NRG2: variants seen among roughly 807,000 people sequenced by gnomAD.
The protein encoded by NRG2 is pro-neuregulin-2, membrane-bound isoform.
A neutral mutation model predicts 73.9 loss-of-function variants in NRG2; 27 were observed. The ratio of observed to expected loss-of-function variants is 0.37; its 90% CI spans 0.27 to 0.50. NRG2 has a LOEUF of 0.50. Among genes scored for constraint, NRG2 ranks in the 20% least tolerant of loss-of-function variants. The pLI is 0.96. For missense variants in NRG2, 1,126 were observed against 1,210.1 expected, an observed-to-expected ratio of 0.93 and a Z score of 1.03; for synonymous variants, 532 against 541.0, an observed-to-expected ratio of 0.98 and a Z score of 0.23.
chr5:139,883,331 C>T (rs879690715), intron 2 of NRG2, among the ~76,000 whole-genome samples: 8 of 151,424 alleles, frequency 5.3e-5, no homozygotes, highest in African/African-American at 1.9e-4. Flanking sequence ...CCCCGCCCCC[C>T]GCCCCCTGCC....
intron 1 of NRG2, among the ~76,000 whole-genome samples, chr5:139,888,937 C>T (rs1178735091): frequency 6.6e-6 from 1 of 152,120 alleles, no homozygotes; most frequent in Non-Finnish European, 1.5e-5. Context: ...TAATAGCTAA[C>T]CTTTGTTAAA....
rs1035735378 is a variant in NRG2, at chr5:139,856,805, C to A, written c.1190-1027G>T. ...CTTCATTCACGCACACACACCTGCA[C>A]ACACAACATATGCACACACACAGAG... On this transcript the variant is annotated intron_variant, in intron 5 of 9. Coordinates refer to ENST00000361474, the MANE Select transcript of NRG2 (RefSeq NM_004883.3). The surrounding 1 kb of genome is among the most constrained non-coding windows in gnomAD (Gnocchi z 4.2). 6.6e-6 allele frequency among the ~76,000 whole-genome samples: 1 copy of A among 152,218 alleles called. No homozygotes were observed. The highest frequency in any genetic ancestry group is 2.4e-5 in the African/African-American group (1 of 41,454).
At chr5:140,005,986 A>G (rs1329042444) in intron 1 of NRG2, among the ~76,000 whole-genome samples, 2 of 152,238 alleles carry the variant, frequency 1.3e-5, no homozygotes, top group East Asian at 1.9e-4. Context: ...AAAGACGTCT[A>G]GGTCAAAGGC....
At position 139,852,746 on chromosome 5, in the gene NRG2, G is replaced by A. The variant is rs1384601760; in HGVS notation, c.1416+158C>T. 6.6e-6 allele frequency among the ~76,000 whole-genome samples: 1 copy of A among 152,236 alleles called. No individual in the cohort carries two copies. Among genetic ancestry groups the A allele is most frequent in the Non-Finnish European group, 1.5e-5 (1 of 68,046 alleles). ...ACCCCCACCCCTTCCTCATGGAAGT[G>A]AGCAAACCAAGGCCAGCCATCCTGG... On this transcript the variant is annotated intron_variant, in intron 7 of 9. Transcript: ENST00000361474. This position sits in a 1 kb window ranked among gnomAD's most constrained non-coding sequence, Gnocchi z 4.4.
chr5:139,994,247 C>T (rs1011219388), intron 1 of NRG2, among the ~76,000 whole-genome samples: 2 of 152,188 alleles, frequency 1.3e-5, no homozygotes, highest in Admixed American at 6.5e-5. Context: ...TGTTGTGGCT[C>T]ATAAGAAGTT....
chr5:139,846,824 G>C lies in NRG2; in HGVS notation c.*1093C>G, dbSNP rs2126980532. 1 of 151,814 alleles carries C rather than the reference G, an allele frequency of 6.6e-6. No individual in the cohort carries two copies. The highest frequency in any genetic ancestry group is 1.5e-5 in the Non-Finnish European group (1 of 67,972). 9.4% of individuals were successfully genotyped at this position (151,814 alleles called of 1,614,324 possible). On this transcript the variant is annotated 3_prime_UTR_variant, in exon 10 of 10. Transcript: ENST00000361474. The stretch of plus-strand genomic sequence containing the variant: ...TTATTTATAATATAAAAATGTTCAA[G>C]TGTCAACAGTCAGGTGTTCAGACAT...
chr5:139,883,485 C>G (rs1194631169), intron 2 of NRG2, among the ~76,000 whole-genome samples: 1 of 152,116 alleles, frequency 6.6e-6, no homozygotes, highest in Non-Finnish European at 1.5e-5. Context: ...GCAGTGGGCA[C>G]AAAGACAGAC....
intron 1 of NRG2, among the ~76,000 whole-genome samples, chr5:140,005,015 CACCATTCTGTA>C (rs761077597): frequency 1.3e-5 from 2 of 152,148 alleles, no homozygotes; most frequent in Non-Finnish European, 2.9e-5. Flanking sequence ...ATTGATTAAA[CACCATTCTGTA>C]ACTTAACATC....
chr5:139,967,949 A>G (rs1755664077), intron 1 of NRG2, among the ~76,000 whole-genome samples: 1 of 151,218 alleles, frequency 6.6e-6, no homozygotes, highest in African/African-American at 2.4e-5. Flanking sequence ...ACAGAGCTAG[A>G]CTCTGTCCCA....
chr5:140,012,408 C>T (rs1759434185), intron 1 of NRG2, among the ~76,000 whole-genome samples: 1 of 152,176 alleles, frequency 6.6e-6, no homozygotes, highest in African/African-American at 2.4e-5. Context: ...ACAAAGTAAT[C>T]CTGTCTTAAC....
chr5:139,969,316 A>C (rs1354199221), intron 1 of NRG2, among the ~76,000 whole-genome samples: 5 of 152,248 alleles, frequency 3.3e-5, no homozygotes, highest in Non-Finnish European at 7.3e-5. Flanking sequence ...TGAAATATCT[A>C]TAGGGCTGTT....
At position 140,043,135 on chromosome 5, in the gene NRG2, C is replaced by A; in HGVS notation, c.-66G>T. On this transcript the variant is annotated 5_prime_UTR_variant, in exon 1 of 10. Coordinates refer to ENST00000361474, the MANE Select transcript of NRG2 (RefSeq NM_004883.3). This position sits in a 1 kb window ranked among gnomAD's most constrained non-coding sequence, Gnocchi z 6.7. ...CCGCCTTGGGAGGGGAAACAGAGCC[C>A]GCTGGAAAACCGGAAACAGCGTAAC... 3 of 1,534,094 alleles carry A rather than the reference C, an allele frequency of 2.0e-6. No individual in the cohort carries two copies. The highest frequency in any genetic ancestry group is 2.4e-5 in the South Asian group (2 of 84,396).
chr5:139,852,591 G>C lies in NRG2; in HGVS notation c.1417-32C>G. 6.2e-7 allele frequency: 1 copy of C among 1,606,490 alleles called. No homozygotes were observed. The highest frequency in any genetic ancestry group is 8.5e-7 in the Non-Finnish European group (1 of 1,175,926). ...CAGACAGAGTTGGGCGAGAGTTAGTGACTGGGGCCCAAATGAACTCTTTCT... is the reference window on the plus strand; with the variant it reads ...CAGACAGAGTTGGGCGAGAGTTAGTCACTGGGGCCCAAATGAACTCTTTCT... On this transcript the variant is annotated intron_variant, in intron 7 of 9. Transcript: ENST00000361474. This position sits in a 1 kb window ranked among gnomAD's most constrained non-coding sequence, Gnocchi z 4.4.
At position 139,909,519 on chromosome 5, in the gene NRG2, T is replaced by C. The variant is rs1417880231; in HGVS notation, c.701-22008A>G. On this transcript the variant is annotated intron_variant, in intron 1 of 9. Coordinates refer to ENST00000361474, the MANE Select transcript of NRG2 (RefSeq NM_004883.3). The stretch of plus-strand genomic sequence containing the variant: ...CAGTTCCTTGAACCCACTCTCTCCA[T>C]CCCAGTTGAAGACATCCCTGAGCCA... 2.0e-5 allele frequency among the ~76,000 whole-genome samples: 3 copies of C among 152,168 alleles called. No individual in the cohort carries two copies. In the East Asian group the frequency reaches 5.8e-4, roughly 29 times the overall value.
chr5:139,938,752 A>C (rs2126409509), intron 1 of NRG2, among the ~76,000 whole-genome samples: 1 of 151,798 alleles, frequency 6.6e-6, no homozygotes, highest in South Asian at 2.1e-4. Flanking sequence ...GATTGTTGAC[A>C]AAGGTTTTAA....
chr5:139,990,037 C>T (rs1331177525), intron 1 of NRG2, among the ~76,000 whole-genome samples: 4 of 151,510 alleles, frequency 2.6e-5, no homozygotes, highest in Non-Finnish European at 5.9e-5. Context: ...ATCCGCCCAC[C>T]TCGGCCTCCC....
intron 1 of NRG2, among the ~76,000 whole-genome samples, chr5:139,979,271 G>C (rs1756612937): frequency 6.6e-6 from 1 of 152,254 alleles, no homozygotes; most frequent in East Asian, 1.9e-4. Context: ...TCTGAAGTCA[G>C]ATGGACGCCT....
intron 1 of NRG2, among the ~76,000 whole-genome samples, chr5:139,961,291 C>T (rs965021875): frequency 3.3e-5 from 5 of 152,110 alleles, no homozygotes; most frequent in African/African-American, 1.2e-4. Context: ...TCGGCAGGGC[C>T]TTCTCTCCCT....
At position 139,904,314 on chromosome 5, in the gene NRG2, C is replaced by A; in HGVS notation, c.701-16803G>T. Reference sequence around the variant, plus strand: ...CGCGCGGAGGTGCCCTACCTTTCTCCCCGGGATCGGGCTCCCTCTCCCGCT... The same window carrying A: ...CGCGCGGAGGTGCCCTACCTTTCTCACCGGGATCGGGCTCCCTCTCCCGCT... On this transcript the variant is annotated intron_variant, in intron 1 of 9. Coordinates refer to ENST00000361474, the MANE Select transcript of NRG2 (RefSeq NM_004883.3). This position sits in a 1 kb window ranked among gnomAD's most constrained non-coding sequence, Gnocchi z 6.0. 1 of 1,591,538 alleles carries A rather than the reference C, an allele frequency of 6.3e-7. No homozygotes were observed. Among genetic ancestry groups the A allele is most frequent in the Non-Finnish European group, 8.5e-7 (1 of 1,177,144 alleles).
Sources: gnomAD v4.1 joint callset for allele counts (sites outside exome capture counted in the v4.1 genomes callset) on GRCh38, gnomAD v4.1.1 for gene constraint, Gnocchi (gnomAD v3.1) non-coding constraint, MANE v1.5 for transcripts, NCBI Gene and HGNC (gene_info 2026-07-23, HGNC 2026-07-21) for gene names.